The following RBM46 variants were observed in gnomAD, a reference collection of about 807,000 sequenced individuals.
RBM46 encodes RNA binding motif protein 46.
Under a neutral mutation model 43.3 loss-of-function variants are expected in RBM46, and 12 were observed. The ratio of observed to expected loss-of-function variants is 0.28; its 90% CI spans 0.18 to 0.45. The LOEUF (loss-of-function observed/expected upper bound fraction) is 0.45. Ranked by LOEUF, RBM46 falls within the 20% of genes least tolerant of loss-of-function variation. RBM46 has a pLI of 1.00. For synonymous variants in RBM46, 205 were observed against 207.6 expected, an observed-to-expected ratio of 0.99 and a Z score of 0.11; for missense variants, 412 against 639.1, an observed-to-expected ratio of 0.64 and a Z score of 3.83.
intron 4 of RBM46, chr4:154,827,601 C>G (rs1265139660): frequency 8.4e-7 from 1 of 1,188,508 alleles, no homozygotes; most frequent in African/African-American, 1.6e-5. Context: ...AATCAAAACT[C>G]CAAGAAATAG....
chr4:154,828,029 C>T lies in RBM46; in HGVS notation c.1564C>T (p.Gln522Ter). ...ISLANGSHVG[Q>*]RLCISNQASF... ...ACTTGCTAATGGCAGCCATGTTGGA[C>T]AGCGGCTATGTATCTCCAATCAGGC... The change falls in exon 5 of 5, where the codon CAG (glutamine) becomes TAG (stop). Residue 522 changes from glutamine to a stop codon, truncating the protein, a stop_gained. Coordinates refer to ENST00000281722, the MANE Select transcript of RBM46 (RefSeq NM_144979.5). LOFTEE classifies it high-confidence loss of function. 2 of 1,613,842 alleles carry T rather than the reference C, an allele frequency of 1.2e-6. No individual in the cohort carries two copies. The highest frequency in any genetic ancestry group is 2.2e-5 in the East Asian group (1 of 44,866).
chr4:154,799,241 C>T lies in RBM46; in HGVS notation c.1079C>T (p.Pro360Leu). 1 of 1,614,136 alleles carries T rather than the reference C, an allele frequency of 6.2e-7. No homozygotes were observed. Among genetic ancestry groups the T allele is most frequent in the South Asian group, 1.1e-5 (1 of 91,086 alleles). Residue 360 changes from proline (P) to leucine (L), a missense_variant, in exon 4 of 5, where the codon CCA becomes CTA. Pro to Leu is a moderately conservative substitution (Grantham distance 98). Transcript: ENST00000281722. ...GCTCGTCTCAATGGTCAGCATAGCCCAAGTCCGCCTGAAGTTGAAAGATGC... is the reference window on the plus strand; with the variant it reads ...GCTCGTCTCAATGGTCAGCATAGCCTAAGTCCGCCTGAAGTTGAAAGATGC... ...LPARLNGQHS[P>L]SPPEVERCTY...
chr4:154,828,468 C>T lies in RBM46; in HGVS notation c.*401C>T, dbSNP rs149474237. 363 of 196,148 alleles carry T rather than the reference C, an allele frequency of 1.9e-3. 3 individuals carry two copies. Among genetic ancestry groups the T allele is most frequent in the Middle Eastern group, 4.6e-3 (2 of 432 alleles). 12.2% of individuals were successfully genotyped at this position (196,148 alleles called of 1,614,324 possible). ...TAGTAGATTTGATTACCAAGGATCA[C>T]TATCTGTACTGGAGATTAGAACAAT... On this transcript the variant is annotated 3_prime_UTR_variant, in exon 5 of 5. Transcript: ENST00000281722.
intron 4 of RBM46, among the ~76,000 whole-genome samples, chr4:154,808,936 G>A (rs1240778368): frequency 6.6e-6 from 1 of 152,066 alleles, no homozygotes; most frequent in Non-Finnish European, 1.5e-5. Flanking sequence ...TAAAGGGAAA[G>A]AGGCAATACT....
At chr4:154,824,628 C>T (rs156563) in intron 4 of RBM46, among the ~76,000 whole-genome samples, 4,929 of 152,000 alleles carry the variant, frequency 0.032, 282 homozygotes, top group African/African-American at 0.11. Flanking sequence ...ATTTGAGTTT[C>T]GACTTGGCAA....
chr4:154,793,716 T>G (rs1335580334), intron 1 of RBM46, among the ~76,000 whole-genome samples: 4 of 152,140 alleles, frequency 2.6e-5, no homozygotes, highest in African/African-American at 7.2e-5. Context: ...ATTGAGAGAT[T>G]TTGAAAAATT....
chr4:154,788,207 A>G (rs1733882651), intron 1 of RBM46, among the ~76,000 whole-genome samples: 1 of 152,062 alleles, frequency 6.6e-6, no homozygotes, highest in Admixed American at 6.5e-5. Context: ...CCCATTTGTG[A>G]ATTTTGGCTT....
intron 4 of RBM46, among the ~76,000 whole-genome samples, chr4:154,804,360 T>C (rs1578922982): frequency 6.6e-6 from 1 of 152,188 alleles, no homozygotes; most frequent in East Asian, 1.9e-4. Flanking sequence ...TCGTTATCTG[T>C]TTAGTAATAA....
chr4:154,807,004 G>T (rs554420570), intron 4 of RBM46, among the ~76,000 whole-genome samples: 1 of 151,520 alleles, frequency 6.6e-6, no homozygotes, highest in Non-Finnish European at 1.5e-5. Flanking sequence ...TGGTTAATAC[G>T]GTCCTAAAAT....
Position 154,799,193 on chromosome 4 carries a change from T to C in RBM46, c.1031T>C (p.Leu344Pro), listed in dbSNP as rs958070762. 9.3e-6 allele frequency: 15 copies of C among 1,614,142 alleles called. No individual in the cohort carries two copies. The South Asian group carries it at 1.5e-4, about 17-fold the overall frequency. The change falls in exon 4 of 5, where the codon CTA becomes CCA. Residue 344 changes from leucine (L) to proline (P), a missense_variant. Leu to Pro is a moderately conservative substitution (Grantham distance 98). Coordinates refer to ENST00000281722, the MANE Select transcript of RBM46 (RefSeq NM_144979.5). ...ANKEESHPKT[L>P]GKLPTLPARL... ...AAAGAAGAGAGCCACCCAAAAACTC[T>C]AGGCAAGCTGCCAACTCTTCCTGCT...
chr4:154,819,153 C>T (rs993545942), intron 4 of RBM46, among the ~76,000 whole-genome samples: 7 of 152,102 alleles, frequency 4.6e-5, no homozygotes, highest in Non-Finnish European at 7.4e-5. Flanking sequence ...TGAAGGCTAG[C>T]ACGATGTTAT....
Position 154,818,205 on chromosome 4 carries a change from T to C in RBM46, c.1403-9663T>C, listed in dbSNP as rs547002477. Among the ~76,000 whole-genome samples, 4 of 152,326 alleles carry C rather than the reference T, an allele frequency of 2.6e-5. No homozygotes were observed. In the East Asian group the frequency reaches 7.7e-4, roughly 29 times the overall value. ...CTTTGCCCTCTGTTTCTTCCATCTCTAAGCTTCCACTAGAATTGTTTATTT... is the reference window on the plus strand; with the variant it reads ...CTTTGCCCTCTGTTTCTTCCATCTCCAAGCTTCCACTAGAATTGTTTATTT... On this transcript the variant is annotated intron_variant, in intron 4 of 4. Transcript: ENST00000281722.
chr4:154,793,833 G>A (rs928312870), intron 1 of RBM46, among the ~76,000 whole-genome samples: 8 of 152,142 alleles, frequency 5.3e-5, no homozygotes, highest in African/African-American at 1.9e-4. Context: ...TAGGAGCACG[G>A]TCGATTCCAT....
chr4:154,816,133 T>G (rs1454249818), intron 4 of RBM46, among the ~76,000 whole-genome samples: 2 of 152,146 alleles, frequency 1.3e-5, no homozygotes, highest in African/African-American at 4.8e-5. Flanking sequence ...AATACCATAT[T>G]GTCTTAATTC....
chr4:154,802,060 A>G (rs560251277), intron 4 of RBM46, among the ~76,000 whole-genome samples: 251 of 152,326 alleles, frequency 1.6e-3, no homozygotes, highest in Non-Finnish European at 3.3e-3. Context: ...CAGTTAATAT[A>G]ATGTAAGCAA....
chr4:154,817,786 C>T (rs1177386584), intron 4 of RBM46, among the ~76,000 whole-genome samples: 1 of 151,962 alleles, frequency 6.6e-6, no homozygotes, highest in Non-Finnish European at 1.5e-5. Flanking sequence ...TCTCATTTTG[C>T]CATTTGCGTT....
At chr4:154,786,263 A>G (rs1733759747) in intron 1 of RBM46, among the ~76,000 whole-genome samples, 1 of 151,588 alleles carries the variant, frequency 6.6e-6, no homozygotes, top group Non-Finnish European at 1.5e-5. Context: ...ATTTTTTTGT[A>G]TTTTTAGTAG....
chr4:154,824,069 T>G (rs1180180327), intron 4 of RBM46, among the ~76,000 whole-genome samples: 1 of 151,678 alleles, frequency 6.6e-6, no homozygotes, highest in Non-Finnish European at 1.5e-5. Context: ...TCTATAATCA[T>G]TATGTCAGAG....
chr4:154,799,199 A>C lies in RBM46; in HGVS notation c.1037A>C (p.Lys346Thr). Residue 346 changes from lysine (K) to threonine (T), a missense_variant, in exon 4 of 5, where the codon AAG becomes ACG. Physicochemically the swap from Lys to Thr is moderately conservative, Grantham distance 78 (BLOSUM62 -1). This residue lies in a region of RBM46 where 105 missense variants were observed against 111.0 expected (regional missense o/e 0.95). Transcript: ENST00000281722. ...KEESHPKTLG[K>T]LPTLPARLNG... ...GAGAGCCACCCAAAAACTCTAGGCA[A>C]GCTGCCAACTCTTCCTGCTCGTCTC... The C allele has an allele frequency of 1.2e-6, 2 of 1,614,178 alleles. No homozygotes were observed. The highest frequency in any genetic ancestry group is 1.6e-4 in the Middle Eastern group (1 of 6,062).
Sources: gnomAD v4.1 joint callset for allele counts (sites outside exome capture counted in the v4.1 genomes callset) on GRCh38, gnomAD v4.1.1 for gene constraint, gnomAD v4.1.1 regional missense constraint, MANE v1.5 for transcripts, NCBI Gene and HGNC (gene_info 2026-07-23, HGNC 2026-07-21) for gene names.